Variants in MPP7 observed in about 807,000 individuals in gnomAD.
The protein encoded by MPP7 is MAGUK p55 scaffold protein 7.
A neutral mutation model predicts 76.5 loss-of-function variants in MPP7; 60 were observed. The ratio of observed to expected loss-of-function variants is 0.78; its 90% CI spans 0.64 to 0.97. MPP7 has a LOEUF of 0.97. Ranked by LOEUF, MPP7 falls within the 50% of genes least tolerant of loss-of-function variation. The probability of loss-of-function intolerance (pLI) is 0.00; values close to 1 mark genes in which losing one functional copy is unlikely to be tolerated. For missense variants in MPP7, 641 were observed against 694.0 expected, an observed-to-expected ratio of 0.92 and a Z score of 0.86; for synonymous variants, 237 against 244.5, an observed-to-expected ratio of 0.97 and a Z score of 0.29.
chr10:28,122,938 T>C (rs1003440964), intron 8 of MPP7, among the ~76,000 whole-genome samples: 5 of 152,208 alleles, frequency 3.3e-5, no homozygotes, highest in South Asian at 4.1e-4. Flanking sequence ...TTATAGAAAT[T>C]GTATATTACC....
intron 1 of MPP7, among the ~76,000 whole-genome samples, chr10:28,269,900 G>A (rs1020687237): frequency 6.6e-6 from 1 of 151,882 alleles, no homozygotes; most frequent in African/African-American, 2.4e-5. Context: ...TTAAGATCGG[G>A]GTATTCTGCA....
chr10:28,089,748 G>A lies in MPP7; in HGVS notation c.1046C>T (p.Ala349Val). ...ECKKSDQYDTADVPTYEEVTP... is the reference protein window; with the variant it reads ...ECKKSDQYDTVDVPTYEEVTP... ...CACTTCTTCGTATGTGGGTACGTCA[G>A]CTGTGTCGTACTGATCACTCTTCTT... Residue 349 changes from alanine (A) to valine (V), a missense_variant, in exon 12 of 17, where the codon GCT (alanine) becomes GTT (valine). Coordinates refer to ENST00000683449, the MANE Select transcript of MPP7 (RefSeq NM_001318170.2). 1 of 1,612,416 alleles carries A rather than the reference G, an allele frequency of 6.2e-7. No individual in the cohort carries two copies. The highest frequency in any genetic ancestry group is 8.5e-7 in the Non-Finnish European group (1 of 1,178,580).
chr10:28,059,783 A>G, intron 13 of MPP7, 40 bp from the exon 14 acceptor site: 1 of 1,309,624 alleles, frequency 7.6e-7, no homozygotes, highest in Non-Finnish European at 1.1e-6. Context: ...AGCCCACATC[A>G]GCCACCTTAA....
At chr10:28,164,042 C>T (rs1185149060) in intron 3 of MPP7, among the ~76,000 whole-genome samples, 2 of 152,116 alleles carry the variant, frequency 1.3e-5, no homozygotes, top group Non-Finnish European at 2.9e-5. Flanking sequence ...AGCATAAAGG[C>T]TTGTGAGACA....
intron 1 of MPP7, among the ~76,000 whole-genome samples, chr10:28,265,969 T>C (rs544522279): frequency 3.3e-4 from 51 of 152,264 alleles, no homozygotes; most frequent in South Asian, 2.5e-3. Flanking sequence ...CCTTCTGTTC[T>C]GTTTTGTTTT....
intron 11 of MPP7, among the ~76,000 whole-genome samples, chr10:28,092,177 G>A (rs147062686): frequency 4.3e-4 from 66 of 152,334 alleles, no homozygotes; most frequent in African/African-American, 1.5e-3. Flanking sequence ...AGGACAGAGT[G>A]ACTAAAGTTT....
At chr10:28,290,141 T>C (rs1393821437) in intron 1 of MPP7, among the ~76,000 whole-genome samples, 1 of 152,128 alleles carries the variant, frequency 6.6e-6, no homozygotes, top group Non-Finnish European at 1.5e-5. Context: ...TCTAATGCTA[T>C]TACGCTACTA....
chr10:28,075,090 C>T (rs563256180), intron 12 of MPP7, among the ~76,000 whole-genome samples: 38 of 151,964 alleles, frequency 2.5e-4, no homozygotes, highest in South Asian at 2.1e-3. Flanking sequence ...TCTCATATGG[C>T]GGGAGCAGGA....
chr10:28,229,979 A>T (rs1376406156), intron 2 of MPP7, among the ~76,000 whole-genome samples: 3 of 150,686 alleles, frequency 2.0e-5, no homozygotes, highest in Non-Finnish European at 3.0e-5. Context: ...AAAATACATG[A>T]CACAGTAGCA....
chr10:28,053,479 G>A lies in MPP7; in HGVS notation c.*586C>T, dbSNP rs867090722. On this transcript the variant is annotated 3_prime_UTR_variant, in exon 17 of 17. Coordinates refer to ENST00000683449, the MANE Select transcript of MPP7 (RefSeq NM_001318170.2). Reference sequence around the variant, plus strand: ...TATATTATGAAGGCCATTCACTCAAGGTAAAATTTCAGTTACTCCTTTAAG... The same window carrying A: ...TATATTATGAAGGCCATTCACTCAAAGTAAAATTTCAGTTACTCCTTTAAG... 2 of 152,144 alleles carry A rather than the reference G, an allele frequency of 1.3e-5. No homozygotes were observed. Among genetic ancestry groups the A allele is most frequent in the African/African-American group, 4.8e-5 (2 of 41,424 alleles). The allele number at this position is 152,144 out of a possible 1,614,324, so 9.4% of individuals were successfully genotyped here. A position where few individuals can be genotyped will look rare whatever the true frequency, so the allele number is the denominator to read the frequency against.
chr10:28,179,729 G>A (rs964305577), intron 3 of MPP7, among the ~76,000 whole-genome samples: 2 of 152,082 alleles, frequency 1.3e-5, no homozygotes, highest in Non-Finnish European at 2.9e-5. Context: ...AAAGTGGCTT[G>A]AAACACTACC....
chr10:28,309,146 C>T (rs2133172249), intron 2 of MPP7, among the ~76,000 whole-genome samples: 1 of 152,270 alleles, frequency 6.6e-6, no homozygotes, highest in Middle Eastern at 3.4e-3. Flanking sequence ...CACCAGAACT[C>T]ATGTTAATAA....
At chr10:28,105,152 CAAAAAAAAAA>C (rs869250857) in intron 11 of MPP7, among the ~76,000 whole-genome samples, 1 of 29,622 alleles carries the variant, frequency 3.4e-5, no homozygotes, top group African/African-American at 1.0e-4. Context: ...GACTCCATCT[CAAAAAAAAAA>C]AAAAAAAAAA....
chr10:28,110,685 A>T (rs1404236207), intron 11 of MPP7, among the ~76,000 whole-genome samples: 1 of 152,190 alleles, frequency 6.6e-6, no homozygotes, highest in African/African-American at 2.4e-5. Flanking sequence ...ACATATCTTA[A>T]AAACTTTATT....
chr10:28,292,027 T>C (rs551554432), intron 1 of MPP7, among the ~76,000 whole-genome samples: 1 of 152,320 alleles, frequency 6.6e-6, no homozygotes, highest in African/African-American at 2.4e-5. Context: ...CCCATGCAGG[T>C]GGACCATGTT....
At chr10:28,164,293 T>C (rs1416953997) in intron 3 of MPP7, among the ~76,000 whole-genome samples, 1 of 152,080 alleles carries the variant, frequency 6.6e-6, no homozygotes, top group Non-Finnish European at 1.5e-5. Flanking sequence ...ACCCCGCAGA[T>C]GCTGGCATCT....
At chr10:28,314,107 T>A (rs1471929658) in intron 2 of MPP7, among the ~76,000 whole-genome samples, 2 of 152,160 alleles carry the variant, frequency 1.3e-5, no homozygotes, top group Non-Finnish European at 2.9e-5. Context: ...TGATTTTTCT[T>A]AGGTTCTATC....
intron 3 of MPP7, among the ~76,000 whole-genome samples, chr10:28,164,477 C>T (rs986249238): frequency 3.7e-4 from 56 of 152,036 alleles, no homozygotes; most frequent in African/African-American, 1.3e-3. Context: ...GGACTCCAAA[C>T]ACAGGTAGGT....
At chr10:28,181,490 G>A (rs926005457) in intron 3 of MPP7, among the ~76,000 whole-genome samples, 1 of 152,140 alleles carries the variant, frequency 6.6e-6, no homozygotes, top group African/African-American at 2.4e-5. Flanking sequence ...TCAATTATTT[G>A]TGAATAACCA....
Sources: allele counts gnomAD v4.1 joint callset (sites outside exome capture counted in the v4.1 genomes callset), GRCh38; gene constraint gnomAD v4.1.1; transcripts MANE v1.5; gene names NCBI Gene and HGNC (gene_info 2026-07-23, HGNC 2026-07-21).